The following FARP1 variants were observed in gnomAD, a reference collection of about 807,000 sequenced individuals.
The protein encoded by FARP1 is FERM, ARH/RhoGEF and pleckstrin domain protein 1.
FARP1 carries 52 observed loss-of-function variants against 128.8 expected under a neutral mutation model. The observed-to-expected ratio is 0.40, with a 90% CI of 0.32 to 0.51. The LOEUF (loss-of-function observed/expected upper bound fraction) is 0.51. Among genes scored for constraint, FARP1 ranks in the 20% least tolerant of loss-of-function variants. The probability of loss-of-function intolerance (pLI) is 0.45; values close to 1 mark genes in which losing one functional copy is unlikely to be tolerated. For synonymous variants in FARP1, 580 were observed against 551.8 expected (o/e 1.05, Z -0.72); for missense variants, 1,333 against 1,367.9 (o/e 0.97, Z 0.40).
intron 8 of FARP1, among the ~76,000 whole-genome samples, chr13:98,387,444 A>G (rs1446730969): frequency 6.6e-6 from 1 of 152,258 alleles, no homozygotes; most frequent in Non-Finnish European, 1.5e-5. Context: ...GTTTGACACA[A>G]TCCCTAAGTA....
chr13:98,443,316 C>T (rs1264854657), intron 24 of FARP1, among the ~76,000 whole-genome samples: 1 of 152,220 alleles, frequency 6.6e-6, no homozygotes, highest in African/African-American at 2.4e-5. Context: ...CTAGTACAGT[C>T]AGGGACCTGG....
At chr13:98,160,092 A>G (rs1319200007) in intron 1 of FARP1, among the ~76,000 whole-genome samples, 1 of 152,258 alleles carries the variant, frequency 6.6e-6, no homozygotes, top group East Asian at 1.9e-4. Flanking sequence ...GGTTGCTTGC[A>G]GCATTTCACC....
At chr13:98,417,482 AAAG>A (rs1290203301) in intron 16 of FARP1, among the ~76,000 whole-genome samples, 2 of 143,718 alleles carry the variant, frequency 1.4e-5, no homozygotes, top group African/African-American at 5.2e-5. Flanking sequence ...AAAAAAAAAA[AAAG>A]AACACATGGG....
chr13:98,280,178 G>A (rs1566827947), intron 2 of FARP1, among the ~76,000 whole-genome samples: 1 of 152,144 alleles, frequency 6.6e-6, no homozygotes, highest in Admixed American at 6.5e-5. Flanking sequence ...ATCAGCTGGC[G>A]TCACTTCTGC....
At chr13:98,291,788 TG>T (rs1377400387) in intron 2 of FARP1, among the ~76,000 whole-genome samples, 1 of 152,206 alleles carries the variant, frequency 6.6e-6, no homozygotes, top group Non-Finnish European at 1.5e-5. Context: ...AAGTCTTTGG[TG>T]TAAGTGGCCC....
rs757879304 is a variant in FARP1 at position 98,365,390 on chromosome 13, T to C, written c.277-5T>C. 4.2e-5 allele frequency: 68 copies of C among 1,607,680 alleles called. 1 individual carries two copies. In the Admixed American group the frequency reaches 1.1e-3, roughly 26 times the overall value. ...GGTCTTAATCTGTTCTTTTTTCCCT[T>C]CTAGGTGTGGCTGGATCTCCTAAAA... is the stretch of plus-strand genomic sequence containing the variant. On this transcript the variant is annotated splice_region_variant and splice_polypyrimidine_tract_variant and intron_variant, in intron 3 of 26. Coordinates refer to ENST00000319562, the MANE Select transcript of FARP1 (RefSeq NM_005766.4).
intron 2 of FARP1, among the ~76,000 whole-genome samples, chr13:98,247,738 G>A (rs1368290128): frequency 6.6e-6 from 1 of 152,120 alleles, no homozygotes; most frequent in Non-Finnish European, 1.5e-5. Flanking sequence ...GAGCCAGAGT[G>A]TAGATGATGC....
Position 98,448,461 on chromosome 13 carries a change from G to T in FARP1, c.*144G>T. 1.5e-6 allele frequency: 1 copy of T among 675,608 alleles called. No individual in the cohort carries two copies. Among genetic ancestry groups the T allele is most frequent in the Non-Finnish European group, 2.6e-6 (1 of 384,440 alleles). 41.9% of individuals were successfully genotyped at this position (675,608 alleles called of 1,614,324 possible). A position where few individuals can be genotyped will look rare whatever the true frequency, so the allele number is the denominator to read the frequency against. ...GCAGCTCTCCTGTCTCCACAGCCGC[G>T]TTTTTTAACCCCGACCTCTCAGCGT... On this transcript the variant is annotated 3_prime_UTR_variant, in exon 27 of 27. Transcript: ENST00000319562.
intron 2 of FARP1, among the ~76,000 whole-genome samples, chr13:98,326,524 C>T (rs1887241950): frequency 1.3e-5 from 2 of 152,152 alleles, no homozygotes; most frequent in African/African-American, 4.8e-5. Context: ...GAATCTGTTG[C>T]CTGATTTCTT....
At chr13:98,410,871 A>C in intron 15 of FARP1, 48 bp downstream of exon 15, 2 of 951,078 alleles carry the variant, frequency 2.1e-6, no homozygotes, top group Non-Finnish European at 3.4e-6. Flanking sequence ...GATTTATCTC[A>C]GCTAATACTC....
chr13:98,235,904 A>C (rs1882386349), intron 2 of FARP1, among the ~76,000 whole-genome samples: 1 of 144,528 alleles, frequency 6.9e-6, no homozygotes. Context: ...GCTCACGGCA[A>C]CCTCCGCCTC....
At chr13:98,402,833 T>C (rs896453624) in intron 13 of FARP1, 3 of 152,234 alleles carry the variant, frequency 2.0e-5, no homozygotes, top group African/African-American at 7.2e-5. Flanking sequence ...TATTTAATAC[T>C]GTAGATAATA....
chr13:98,430,530 G>T (rs1055772256), intron 17 of FARP1, among the ~76,000 whole-genome samples: 3 of 152,176 alleles, frequency 2.0e-5, no homozygotes, highest in Non-Finnish European at 4.4e-5. Context: ...GGCGCTGTCT[G>T]ACTCTCATCC....
chr13:98,396,204 C>A, intron 13 of FARP1: 1 of 399,152 alleles, frequency 2.5e-6, no homozygotes, highest in Non-Finnish European at 4.4e-6. Context: ...ATGGCACACC[C>A]CCCATGGGTG....
rs541398657 is a variant in FARP1 at position 98,285,417 on chromosome 13, T to C, written c.172-58345T>C. Among the ~76,000 whole-genome samples, 20 of 152,332 alleles carry C rather than the reference T, an allele frequency of 1.3e-4. 1 individual carries two copies. Among genetic ancestry groups the C allele is most frequent in the South Asian group, 8.3e-4 (4 of 4,826 alleles). ...ATTCAGAATTTTCTGAGCATTTTTT[T>C]CTTCATCTCAAAGAGCCCCTGGGAA... On this transcript the variant is annotated intron_variant, in intron 2 of 26. Transcript: ENST00000319562.
At chr13:98,229,483 AATAAC>A (rs1428614254) in intron 2 of FARP1, among the ~76,000 whole-genome samples, 1 of 134,006 alleles carries the variant, frequency 7.5e-6, no homozygotes, top group Non-Finnish European at 1.7e-5. Flanking sequence ...TATATACATT[AATAAC>A]ATAATCTCAG....
chr13:98,233,757 C>T (rs1882273428), intron 2 of FARP1: 1 of 152,198 alleles, frequency 6.6e-6, no homozygotes, highest in Non-Finnish European at 1.5e-5. Flanking sequence ...CAAGGAATGA[C>T]ATGGGATTCT....
chr13:98,229,259 C>G (rs1881973310), intron 2 of FARP1, among the ~76,000 whole-genome samples: 1 of 152,182 alleles, frequency 6.6e-6, no homozygotes, highest in African/African-American at 2.4e-5. Flanking sequence ...TAGAACACAT[C>G]AAGAATGGTG....
chr13:98,444,860 CAAG>C (rs1892724295), intron 24 of FARP1, among the ~76,000 whole-genome samples: 2 of 152,204 alleles, frequency 1.3e-5, no homozygotes, highest in South Asian at 4.1e-4. Context: ...TTGCGTGACC[CAAG>C]ATGCCGCATG....
Sources: allele counts gnomAD v4.1 joint callset (sites outside exome capture counted in the v4.1 genomes callset), GRCh38; gene constraint gnomAD v4.1.1; transcripts MANE v1.5; gene names NCBI Gene and HGNC (gene_info 2026-07-23, HGNC 2026-07-21).